The following EFCC1 variants were observed in gnomAD, a reference collection of about 807,000 sequenced individuals.
EFCC1 encodes the protein EF-hand and coiled-coil domain containing 1.
A neutral mutation model predicts 52.1 loss-of-function variants in EFCC1; 50 were observed. That is an observed-to-expected ratio of 0.96 (90% CI 0.76 to 1.21). The LOEUF is 1.21. Ranked by LOEUF, EFCC1 falls within the 50% of genes most tolerant of loss-of-function variation. The probability of loss-of-function intolerance (pLI) is 0.00; values close to 1 mark genes in which losing one functional copy is unlikely to be tolerated. For synonymous variants in EFCC1, 399 were observed against 396.5 expected (o/e 1.01, Z -0.08); for missense variants, 837 against 867.3 (o/e 0.97, Z 0.44).
intron 2 of EFCC1, among the ~76,000 whole-genome samples, chr3:129,028,704 A>G (rs1576776127): frequency 1.3e-5 from 2 of 151,434 alleles, no homozygotes; most frequent in Middle Eastern, 6.9e-3. Context: ...GTGCAATGGC[A>G]TGATCTCAGC....
intron 2 of EFCC1, among the ~76,000 whole-genome samples, chr3:129,004,535 C>T (rs1304504530): frequency 1.3e-5 from 2 of 150,166 alleles, no homozygotes; most frequent in African/African-American, 2.5e-5. Flanking sequence ...TCCATCCCCC[C>T]ACCCACCCAG....
Position 129,014,392 on chromosome 3 carries a change from G to C in EFCC1, c.980+10315G>C, listed in dbSNP as rs1012355391. On this transcript the variant is annotated intron_variant, in intron 2 of 7. Coordinates refer to ENST00000683648, the MANE Select transcript of EFCC1 (RefSeq NM_001377500.1). This position sits in a 1 kb window ranked among gnomAD's most constrained non-coding sequence, Gnocchi z 4.3. Reference sequence around the variant, plus strand: ...GCTGACCAGAGTGCGGTGTCGCAGCGTTGGCTTCTCCTGCGGCCTCTCTCC... The same window carrying C: ...GCTGACCAGAGTGCGGTGTCGCAGCCTTGGCTTCTCCTGCGGCCTCTCTCC... Among the ~76,000 whole-genome samples the C allele has an allele frequency of 6.6e-6, 1 of 152,180 alleles. No individual in the cohort carries two copies. Among genetic ancestry groups the C allele is most frequent in the East Asian group, 1.9e-4 (1 of 5,156 alleles).
At chr3:129,022,646 GC>G (rs1945910166) in intron 2 of EFCC1, among the ~76,000 whole-genome samples, 1 of 152,192 alleles carries the variant, frequency 6.6e-6, no homozygotes, top group African/African-American at 2.4e-5. Context: ...TCTGGGGTCT[GC>G]CAGGAAGTGA....
In EFCC1 at chr3:129,015,903, C is replaced by T. The variant is rs139969893; in HGVS notation, c.980+11826C>T. On this transcript the variant is annotated intron_variant, in intron 2 of 7. Transcript: ENST00000683648. ...GCAAAGGAAGCCGCTGTGTGCGAAC[C>T]TCCAGGACCTCCCAGAGTAGGTGCT... Among the ~76,000 whole-genome samples, 1,195 of 152,344 alleles carry T rather than the reference C, an allele frequency of 7.8e-3. 5 individuals carry two copies. The highest frequency in any genetic ancestry group is 0.013 in the Non-Finnish European group (900 of 68,036).
At chr3:129,018,973 T>A (rs1449120576) in intron 2 of EFCC1, among the ~76,000 whole-genome samples, 1 of 152,220 alleles carries the variant, frequency 6.6e-6, no homozygotes, top group African/African-American at 2.4e-5. Context: ...GACACTAGGC[T>A]GCCTCCAACT....
In EFCC1 at chr3:129,037,054, G is replaced by A. The variant is rs772684020; in HGVS notation, c.1530G>A (p.Arg510=). ...AGATGGTAGAGACCGAGAGGGTGCG[G>A]CTGTCCCTGCTGGAGGAGAAGCTGG... ...ELQMVETERV[R]LSLLEEKLVD... is the part of the protein sequence containing the mutation. The change falls in exon 6 of 8, where the codon CGG becomes CGA. Residue 510 remains arginine, a synonymous_variant. Coordinates refer to ENST00000683648, the MANE Select transcript of EFCC1 (RefSeq NM_001377500.1). 7 of 1,613,516 alleles carry A rather than the reference G, an allele frequency of 4.3e-6. No individual in the cohort carries two copies. The South Asian group carries it at 6.6e-5, about 15-fold the overall frequency.
intron 2 of EFCC1, among the ~76,000 whole-genome samples, chr3:129,028,472 T>C (rs1291073770): frequency 1.3e-5 from 2 of 152,204 alleles, no homozygotes; most frequent in Admixed American, 1.3e-4. Context: ...CTTAGGACTT[T>C]TATTCCTTTT....
chr3:129,036,309 C>T (rs759687721), intron 5 of EFCC1, among the ~76,000 whole-genome samples: 5 of 152,268 alleles, frequency 3.3e-5, no homozygotes, highest in Non-Finnish European at 7.3e-5. Flanking sequence ...CCCTGAGTGC[C>T]CTCAGGCACC....
Position 129,014,434 on chromosome 3 carries a change from G to A in EFCC1, c.980+10357G>A, listed in dbSNP as rs75437574. On this transcript the variant is annotated intron_variant, in intron 2 of 7. Transcript: ENST00000683648. The surrounding 1 kb of genome is among the most constrained non-coding windows in gnomAD (Gnocchi z 4.3). ...CCTCTCTCCTGGGCTGGCAGCCAGG[G>A]CCGCCTTCTCCCTGTATCCTCGCGT... Among the ~76,000 whole-genome samples, 5,396 of 152,308 alleles carry A rather than the reference G, an allele frequency of 0.035. 285 individuals are homozygous for A. The highest frequency in any genetic ancestry group is 0.12 in the African/African-American group (5,029 of 41,542).
intron 2 of EFCC1, 38 bp downstream of exon 2, chr3:129,004,115 A>C (rs73210697): frequency 6.9e-7 from 1 of 1,451,774 alleles, no homozygotes; most frequent in Non-Finnish European, 9.0e-7. Context: ...AAGTTCCCCA[A>C]TTCGGCTCCC....
At chr3:129,023,845 C>T (rs900573312) in intron 2 of EFCC1, among the ~76,000 whole-genome samples, 18 of 152,224 alleles carry the variant, frequency 1.2e-4, no homozygotes, top group Admixed American at 1.1e-3. Flanking sequence ...CCCCATTCCA[C>T]AGGACAAAGC....
chr3:129,039,057 G>A (rs1283584652), intron 7 of EFCC1, among the ~76,000 whole-genome samples, 157 bp downstream of exon 7: 1 of 152,222 alleles, frequency 6.6e-6, no homozygotes, highest in Non-Finnish European at 1.5e-5. Context: ...CTTTTAGCAA[G>A]AGCAGAGGCA....
chr3:129,027,647 A>G lies in EFCC1; in HGVS notation c.981-3056A>G, dbSNP rs949683387. 2.6e-5 allele frequency among the ~76,000 whole-genome samples: 4 copies of G among 152,162 alleles called. No homozygotes were observed. The East Asian group carries it at 7.7e-4, about 29-fold the overall frequency. On this transcript the variant is annotated intron_variant, in intron 2 of 7. Transcript: ENST00000683648. ...CATAGGAAGTCCACTCAGCGAGTCC[A>G]TGTAAAACATGTAAAATGGGGACTC...
intron 2 of EFCC1, among the ~76,000 whole-genome samples, chr3:129,027,220 G>A (rs1946145402): frequency 6.6e-6 from 1 of 152,198 alleles, no homozygotes; most frequent in Non-Finnish European, 1.5e-5. Flanking sequence ...TGGCCAGGGT[G>A]GGGTTATGCT....
At chr3:129,011,280 G>T (rs1945314143) in intron 2 of EFCC1, among the ~76,000 whole-genome samples, 1 of 152,198 alleles carries the variant, frequency 6.6e-6, no homozygotes, top group South Asian at 2.1e-4. Flanking sequence ...ACAGGGTGTG[G>T]TGGCTCACGC....
chr3:129,030,664 C>T (rs967315874), intron 2 of EFCC1, 39 bp from the exon 3 acceptor site: 6 of 1,543,724 alleles, frequency 3.9e-6, no homozygotes, highest in Non-Finnish European at 5.3e-6. Context: ...GAGTCCTGTA[C>T]TCTCCTCCTC....
At chr3:129,017,531 C>G (rs914342376) in intron 2 of EFCC1, among the ~76,000 whole-genome samples, 4 of 152,230 alleles carry the variant, frequency 2.6e-5, no homozygotes, top group Non-Finnish European at 4.4e-5. Context: ...AATCCAGCTC[C>G]TTTTGGCCGT....
chr3:129,029,229 A>T (rs770983943), intron 2 of EFCC1, among the ~76,000 whole-genome samples: 1 of 152,220 alleles, frequency 6.6e-6, no homozygotes, highest in Non-Finnish European at 1.5e-5. Flanking sequence ...CCAGTTTAAT[A>T]AGTGGCCCAT....
chr3:129,031,006 G>A lies in EFCC1; in HGVS notation c.1138+146G>A, dbSNP rs946371091. 4.3e-6 allele frequency: 5 copies of A among 1,151,088 alleles called. No homozygotes were observed. The African/African-American group carries it at 4.7e-5, about 11-fold the overall frequency. The allele number at this position is 1,151,088 out of a possible 1,614,324, so 71.3% of individuals were successfully genotyped here. On this transcript the variant is annotated intron_variant, in intron 3 of 7. Coordinates refer to ENST00000683648, the MANE Select transcript of EFCC1 (RefSeq NM_001377500.1). ...CCCACCAGGTGCTCAGGCTGGGCTG[G>A]GGCCCTTTTCCCCAGCCCCATCATC...
Sources: allele counts gnomAD v4.1 joint callset (sites outside exome capture counted in the v4.1 genomes callset), GRCh38; gene constraint gnomAD v4.1.1; non-coding constraint Gnocchi (gnomAD v3.1); transcripts MANE v1.5; gene names NCBI Gene and HGNC (gene_info 2026-07-23, HGNC 2026-07-21).